DCDC1: variants seen among roughly 807,000 people sequenced by gnomAD.
The protein encoded by DCDC1 is doublecortin domain containing 1, also known as doublecortin domain-containing protein 1.
DCDC1 carries 200 observed loss-of-function variants against 178.3 expected under a neutral mutation model. That is an observed-to-expected ratio of 1.12 (90% CI 1.00 to 1.26). The LOEUF is 1.26. DCDC1 is among the 50% of genes most tolerant of loss of function. DCDC1 has a pLI of 0.00. For synonymous variants in DCDC1, 690 were observed against 604.8 expected (o/e 1.14, Z -2.07); for missense variants, 1,983 against 1,749.2 (o/e 1.13, Z -2.38).
chr11:31,026,530 CT>C (rs1953249034), intron 20 of DCDC1, among the ~76,000 whole-genome samples: 1 of 151,772 alleles, frequency 6.6e-6, no homozygotes, highest in Non-Finnish European at 1.5e-5. Context: ...ATTAATTTGT[CT>C]GTATGAGATC....
intron 7 of DCDC1, among the ~76,000 whole-genome samples, chr11:31,278,661 T>C (rs1946170706): frequency 6.6e-6 from 1 of 152,156 alleles, no homozygotes; most frequent in South Asian, 2.1e-4. Context: ...GAAAGCAGAT[T>C]TTATGTATTT....
intron 36 of DCDC1, among the ~76,000 whole-genome samples, chr11:30,888,180 AAG>A (rs1943472678): frequency 6.7e-6 from 1 of 149,208 alleles, no homozygotes; most frequent in Non-Finnish European, 1.5e-5. Flanking sequence ...AAGAAAGAGA[AAG>A]GAAGGAAGAG....
chr11:31,265,361 A>G (rs1014692693), intron 8 of DCDC1, 146 bp downstream of exon 8: 16 of 379,424 alleles, frequency 4.2e-5, no homozygotes, highest in Middle Eastern at 1.7e-3. Flanking sequence ...TCCTTTCATG[A>G]TTTTCCTTTG....
chr11:31,177,963 A>G (rs1369151919), intron 9 of DCDC1, among the ~76,000 whole-genome samples: 1 of 152,190 alleles, frequency 6.6e-6, no homozygotes, highest in Non-Finnish European at 1.5e-5. Flanking sequence ...TCAACACACC[A>G]TTGATCATCT....
At chr11:30,995,107 C>T (rs532907600) in intron 20 of DCDC1, among the ~76,000 whole-genome samples, 3 of 151,792 alleles carry the variant, frequency 2.0e-5, no homozygotes, top group East Asian at 3.9e-4. Flanking sequence ...TCTATATACC[C>T]GCAATGAAAG....
intron 3 of DCDC1, among the ~76,000 whole-genome samples, chr11:31,326,542 AG>A (rs1433328853): frequency 6.6e-6 from 1 of 152,140 alleles, no homozygotes. Context: ...AATCCTATTT[AG>A]AAATTTTTTT....
intron 22 of DCDC1, among the ~76,000 whole-genome samples, chr11:30,927,596 C>T (rs1470267793): frequency 1.3e-4 from 20 of 152,236 alleles, no homozygotes; most frequent in Non-Finnish European, 2.9e-5. Context: ...AATTCCTTTG[C>T]CTCCTAATCC....
chr11:30,939,037 T>A (rs1165916700), intron 21 of DCDC1, among the ~76,000 whole-genome samples: 1 of 152,166 alleles, frequency 6.6e-6, no homozygotes, highest in East Asian at 1.9e-4. Context: ...AACCACAGAC[T>A]GGGACTCCAC....
intron 1 of DCDC1, among the ~76,000 whole-genome samples, chr11:31,345,871 C>G (rs1591820589): frequency 6.6e-6 from 1 of 152,102 alleles, no homozygotes; most frequent in South Asian, 2.1e-4. Flanking sequence ...ATTGCATAGA[C>G]TCTAATGAAA....
intron 15 of DCDC1, among the ~76,000 whole-genome samples, chr11:31,100,910 T>C (rs56388230): frequency 0.015 from 2,277 of 152,220 alleles, 50 homozygotes; most frequent in African/African-American, 0.051. Flanking sequence ...GAAGGCAAAA[T>C]ACAAAATACA....
chr11:31,113,534 G>T (rs1018217006), intron 11 of DCDC1, among the ~76,000 whole-genome samples: 1 of 147,160 alleles, frequency 6.8e-6, no homozygotes, highest in Non-Finnish European at 1.5e-5. Flanking sequence ...GTGAGAACAC[G>T]TGGTGTTTGG....
chr11:31,111,204 T>A (rs1439522974), intron 11 of DCDC1, among the ~76,000 whole-genome samples: 2 of 152,048 alleles, frequency 1.3e-5, no homozygotes, highest in African/African-American at 4.8e-5. Flanking sequence ...CTTCCCTCTC[T>A]GATATGCCCA....
chr11:31,008,899 T>C (rs955061880), intron 20 of DCDC1, among the ~76,000 whole-genome samples: 2 of 152,160 alleles, frequency 1.3e-5, no homozygotes, highest in African/African-American at 4.8e-5. Context: ...ATGGCAAATT[T>C]TCAGTGACAC....
At chr11:30,888,361 G>GA (rs1253621463) in intron 36 of DCDC1, among the ~76,000 whole-genome samples, 1 of 152,038 alleles carries the variant, frequency 6.6e-6, no homozygotes, top group Admixed American at 6.5e-5. Context: ...GAGTTAAAAA[G>GA]AAAAAAATAG....
chr11:31,140,498 C>A (rs138165098), intron 9 of DCDC1, among the ~76,000 whole-genome samples: 1,557 of 152,174 alleles, frequency 0.01, 28 homozygotes, highest in African/African-American at 0.034. Context: ...TTTTGTCAGG[C>A]CTTGCTGCTA....
At chr11:31,079,296 G>A (rs1247792866) in intron 17 of DCDC1, among the ~76,000 whole-genome samples, 3 of 152,184 alleles carry the variant, frequency 2.0e-5, no homozygotes, top group African/African-American at 7.2e-5. Flanking sequence ...GGAGGGTGGT[G>A]CATCCCAACT....
chr11:30,971,933 A>C (rs552495658), intron 20 of DCDC1, among the ~76,000 whole-genome samples: 19 of 152,278 alleles, frequency 1.2e-4, no homozygotes, highest in Admixed American at 1.2e-3. Flanking sequence ...TGAAATAACC[A>C]ATCAAACAAA....
intron 7 of DCDC1, among the ~76,000 whole-genome samples, chr11:31,289,934 G>C (rs1025238996): frequency 6.6e-6 from 1 of 151,902 alleles, no homozygotes; most frequent in African/African-American, 2.4e-5. Flanking sequence ...TAACACATTT[G>C]TTACTATATT....
intron 16 of DCDC1, among the ~76,000 whole-genome samples, chr11:31,092,325 A>T (rs1352046991): frequency 6.6e-6 from 1 of 152,250 alleles, no homozygotes; most frequent in Non-Finnish European, 1.5e-5. Context: ...TCTAAAAAAA[A>T]TTGGTTTTAG....
Sources: allele counts gnomAD v4.1 joint callset (sites outside exome capture counted in the v4.1 genomes callset), GRCh38; gene constraint gnomAD v4.1.1; transcripts MANE v1.5; gene names NCBI Gene and HGNC (gene_info 2026-07-23, HGNC 2026-07-21).